Variants in PPP2R2B observed in about 807,000 individuals in gnomAD.
The protein encoded by PPP2R2B is serine/threonine-protein phosphatase 2A 55 kDa regulatory subunit B beta isoform.
Under a neutral mutation model 46.0 loss-of-function variants are expected in PPP2R2B, and 5 were observed. The ratio of observed to expected loss-of-function variants is 0.11; its 90% CI spans 0.06 to 0.23. The LOEUF is 0.23. PPP2R2B is among the 10% of genes least tolerant of loss of function. PPP2R2B has a pLI of 1.00. For synonymous variants in PPP2R2B, 215 were observed against 206.7 expected (o/e 1.04, Z -0.34); for missense variants, 367 against 575.0 (o/e 0.64, Z 3.70).
intron 2 of PPP2R2B, among the ~76,000 whole-genome samples, chr5:146,863,084 T>C (rs17105535): frequency 0.22 from 33,422 of 151,464 alleles, 3,780 homozygotes; most frequent in East Asian, 0.35. Context: ...GGTGGGTGCT[T>C]ACCAAGTTTC....
chr5:147,008,404 T>C (rs1263451764), intron 1 of PPP2R2B, among the ~76,000 whole-genome samples: 1 of 152,200 alleles, frequency 6.6e-6, no homozygotes, highest in Non-Finnish European at 1.5e-5. Context: ...AAAATATTTA[T>C]GAAACACCTT....
Position 146,964,155 on chromosome 5 carries a change from T to C in PPP2R2B, c.79+91510A>G, listed in dbSNP as rs1268629911. Among the ~76,000 whole-genome samples the C allele has an allele frequency of 9.8e-5, 15 of 152,294 alleles. No individual in the cohort carries two copies. The East Asian group carries it at 2.7e-3, about 28-fold the overall frequency. On this transcript the variant is annotated intron_variant, in intron 1 of 8. Coordinates refer to the PPP2R2B transcript ENST00000336640. ...CAAAACATTTATCCTATTATCCTCTTAAACATGAGATTCCACGGCTAAATA... is the reference window on the plus strand; with the variant it reads ...CAAAACATTTATCCTATTATCCTCTCAAACATGAGATTCCACGGCTAAATA...
chr5:146,820,823 C>T (rs1217795868), intron 2 of PPP2R2B, among the ~76,000 whole-genome samples: 1 of 152,180 alleles, frequency 6.6e-6, no homozygotes, highest in African/African-American at 2.4e-5. Flanking sequence ...AAATTGCCAA[C>T]CTAGAGACAC....
intron 5 of PPP2R2B, among the ~76,000 whole-genome samples, chr5:146,667,919 C>T (rs1777107143): frequency 6.6e-6 from 1 of 152,146 alleles, no homozygotes; most frequent in Non-Finnish European, 1.5e-5. Flanking sequence ...AACAAGCAGG[C>T]AGAGAAACAA....
chr5:146,963,948 A>G (rs1223767180), intron 1 of PPP2R2B, among the ~76,000 whole-genome samples: 1 of 152,232 alleles, frequency 6.6e-6, no homozygotes. Flanking sequence ...AGGTTCTTAC[A>G]AAGACAGCTC....
intron 8 of PPP2R2B, among the ~76,000 whole-genome samples, chr5:146,598,616 CTACTTTTCTAATTGCTCAGGACAAA>C (rs535431329): frequency 6.6e-6 from 1 of 152,318 alleles, no homozygotes; most frequent in Non-Finnish European, 1.5e-5. Context: ...CTTGGCAACT[CTACTTTTCTAATTGCTCAGGACAAA>C]AATTTTGGAG....
chr5:146,878,864 C>T (rs923999932), upstream of PPP2R2B: 4 of 1,189,998 alleles, frequency 3.4e-6, no homozygotes, highest in Non-Finnish European at 4.3e-6. This position sits in a 1 kb window ranked among gnomAD's most constrained non-coding sequence, Gnocchi z 4.5. Context: ...GCAGAGGCTG[C>T]GGCTGCTCTT....
intron 2 of PPP2R2B, among the ~76,000 whole-genome samples, chr5:146,783,517 T>G (rs1387106860): frequency 1.3e-5 from 2 of 152,366 alleles, no homozygotes; most frequent in East Asian, 3.9e-4. Flanking sequence ...TTTCTACTTA[T>G]GCTTTTTCCA....
chr5:146,862,704 A>G (rs1761073981), intron 2 of PPP2R2B, among the ~76,000 whole-genome samples: 1 of 152,096 alleles, frequency 6.6e-6, no homozygotes. Flanking sequence ...ATGAAGGTTT[A>G]TAAGCACAGG....
intron 1 of PPP2R2B, chr5:147,081,183 G>T: frequency 6.5e-7 from 1 of 1,535,134 alleles, no homozygotes; most frequent in Non-Finnish European, 8.7e-7. Context: ...AGAGCTCCCA[G>T]TTGTTCTTAA....
At position 146,588,575 on chromosome 5, in the gene PPP2R2B, T is replaced by G. The variant is rs544983147; in HGVS notation, c.*1372A>C. The stretch of plus-strand genomic sequence containing the variant: ...AGTTTTCTGGACTCCACCCATCTAC[T>G]TTCCTAAGTTTATAAATCCTTTGCA... On this transcript the variant is annotated 3_prime_UTR_variant, in exon 10 of 10. Coordinates refer to ENST00000394411, the MANE Select transcript of PPP2R2B (RefSeq NM_181675.4). The G allele has an allele frequency of 1.3e-5, 2 of 152,130 alleles. No individual in the cohort carries two copies. Among genetic ancestry groups the G allele is most frequent in the South Asian group, 4.2e-4 (2 of 4,814 alleles). The allele number at this position is 152,130 out of a possible 1,614,324, so 9.4% of individuals were successfully genotyped here.
chr5:146,972,541 G>A (rs1254895319), intron 1 of PPP2R2B, among the ~76,000 whole-genome samples: 5 of 151,824 alleles, frequency 3.3e-5, no homozygotes, highest in Non-Finnish European at 5.9e-5. Context: ...CTGAAACCCC[G>A]TCTCTACTAA....
At chr5:146,942,798 C>T (rs2151830190) in intron 1 of PPP2R2B, among the ~76,000 whole-genome samples, 1 of 151,344 alleles carries the variant, frequency 6.6e-6, no homozygotes, top group Non-Finnish European at 1.5e-5. Flanking sequence ...AATGTGAATC[C>T]ATAGTTTTTT....
chr5:146,820,804 C>T (rs1758209103), intron 2 of PPP2R2B, among the ~76,000 whole-genome samples: 1 of 152,160 alleles, frequency 6.6e-6, no homozygotes, highest in Non-Finnish European at 1.5e-5. Flanking sequence ...TCCTAGGACT[C>T]CATCCGTCAA....
At chr5:146,627,184 C>T (rs1025092871) in intron 7 of PPP2R2B, among the ~76,000 whole-genome samples, 2 of 152,194 alleles carry the variant, frequency 1.3e-5, no homozygotes, top group African/African-American at 4.8e-5. Context: ...ATCCTGCCAT[C>T]AGGCAAAAGC....
At chr5:146,761,135 A>C (rs558872141) in intron 2 of PPP2R2B, among the ~76,000 whole-genome samples, 5 of 152,258 alleles carry the variant, frequency 3.3e-5, no homozygotes, top group African/African-American at 1.2e-4. Context: ...AACTAGAAAT[A>C]CCATTTGACC....
intron 1 of PPP2R2B, among the ~76,000 whole-genome samples, chr5:146,996,046 G>T (rs1310534137): frequency 6.6e-6 from 1 of 152,162 alleles, no homozygotes; most frequent in Admixed American, 6.5e-5. Context: ...GGAATAACTG[G>T]AATCCTGGAA....
At chr5:147,003,841 G>A (rs918871992) in intron 1 of PPP2R2B, among the ~76,000 whole-genome samples, 25 of 152,160 alleles carry the variant, frequency 1.6e-4, no homozygotes, top group African/African-American at 4.8e-4. Context: ...TACCTTCCTC[G>A]AGTGGCTATG....
Position 146,582,038 on chromosome 5 carries a change from A to G in PPP2R2B, c.*7909T>C, listed in dbSNP as rs1348598546. The G allele has an allele frequency of 6.6e-6, 1 of 152,238 alleles. No individual in the cohort carries two copies. The highest frequency in any genetic ancestry group is 1.5e-5 in the Non-Finnish European group (1 of 68,070). The allele number at this position is 152,238 out of a possible 1,614,324, so 9.4% of individuals were successfully genotyped here. A position where few individuals can be genotyped will look rare whatever the true frequency, so the allele number is the denominator to read the frequency against. ...TCATCCCCCTCCAATTTATTGTTGT[A>G]TTTCCCAGCTGCCCACAGAGCTTCC... On this transcript the variant is annotated 3_prime_UTR_variant, in exon 10 of 10. Coordinates refer to ENST00000394411, the MANE Select transcript of PPP2R2B (RefSeq NM_181675.4).
Sources: gnomAD v4.1 joint callset for allele counts (sites outside exome capture counted in the v4.1 genomes callset) on GRCh38, gnomAD v4.1.1 for gene constraint, Gnocchi (gnomAD v3.1) non-coding constraint, MANE v1.5 for transcripts, NCBI Gene and HGNC (gene_info 2026-07-23, HGNC 2026-07-21) for gene names.